Variants in DIP2A observed in about 807,000 individuals in gnomAD.
DIP2A encodes the protein disco-interacting protein 2 homolog A.
In DIP2A, 85 loss-of-function variants were observed where a neutral mutation model predicts 177.4. That is an observed-to-expected ratio of 0.48 (90% CI 0.40 to 0.57). The LOEUF (loss-of-function observed/expected upper bound fraction) is 0.57. DIP2A is among the 20% of genes least tolerant of loss of function. The probability of loss-of-function intolerance (pLI) is 0.00; values close to 1 mark genes in which losing one functional copy is unlikely to be tolerated. For synonymous variants in DIP2A, 886 were observed against 881.8 expected (o/e 1.00, Z -0.08); for missense variants, 1,791 against 2,100.2 (o/e 0.85, Z 2.88).
In DIP2A at chr21:46,496,983, T is replaced by C; in HGVS notation, c.284-5T>C. ...AGTATTTTTACTGCTGTCCTTCCTG[T>C]GTAGATGTCCACACTGAAGCCGTGC... On this transcript the variant is annotated splice_region_variant and splice_polypyrimidine_tract_variant and intron_variant, in intron 3 of 37. Transcript: ENST00000417564. The C allele has an allele frequency of 6.2e-7, 1 of 1,611,862 alleles. No individual in the cohort carries two copies. The highest frequency in any genetic ancestry group is 8.5e-7 in the Non-Finnish European group (1 of 1,179,334).
Position 46,563,001 on chromosome 21 carries a change from C to T in DIP2A, c.4090-857C>T, listed in dbSNP as rs973098060. Reference sequence around the variant, plus strand: ...CCGCACTGTAATTGTTTAGCTCACCCCCTTTTATTGGACGTTCTTTCCTAT... The same window carrying T: ...CCGCACTGTAATTGTTTAGCTCACCTCCTTTTATTGGACGTTCTTTCCTAT... On this transcript the variant is annotated intron_variant, in intron 34 of 37. Coordinates refer to ENST00000417564, the MANE Select transcript of DIP2A (RefSeq NM_015151.4). The surrounding 1 kb of genome is among the most constrained non-coding windows in gnomAD (Gnocchi z 4.3). Among the ~76,000 whole-genome samples the T allele has an allele frequency of 1.7e-4, 26 of 152,224 alleles. No individual in the cohort carries two copies. Among genetic ancestry groups the T allele is most frequent in the African/African-American group, 5.5e-4 (23 of 41,456 alleles).
chr21:46,483,050 G>A (rs2056454180), intron 1 of DIP2A, among the ~76,000 whole-genome samples: 1 of 152,174 alleles, frequency 6.6e-6, no homozygotes, highest in Non-Finnish European at 1.5e-5. Context: ...GGAGTGTGCA[G>A]TGATGGAGTG....
At chr21:46,524,872 C>CTTTTTTTTTTTTTTTTTTT (rs3061062) in intron 8 of DIP2A, among the ~76,000 whole-genome samples, 1 of 63,402 alleles carries the variant, frequency 1.6e-5, no homozygotes, top group Non-Finnish European at 2.8e-5. Flanking sequence ...TTGCTTTTTG[C>CTTTTTTTTTTTTTTTTTTT]TTTTTTTTTT....
intron 1 of DIP2A, chr21:46,462,960 T>C (rs944832746): frequency 2.0e-5 from 3 of 152,196 alleles, no homozygotes; most frequent in Non-Finnish European, 4.4e-5. Flanking sequence ...TTTATTTCCA[T>C]AGGGCAAGTT....
intron 8 of DIP2A, among the ~76,000 whole-genome samples, chr21:46,527,987 C>G (rs1471166351): frequency 6.6e-6 from 1 of 152,114 alleles, no homozygotes; most frequent in Non-Finnish European, 1.5e-5. Context: ...AAGCTCTCCC[C>G]TATTGAGTGC....
At position 46,463,678 on chromosome 21, in the gene DIP2A, A is replaced by T. The variant is rs908919272; in HGVS notation, c.91+4456A>T. On this transcript the variant is annotated intron_variant, in intron 1 of 37. Coordinates refer to ENST00000417564, the MANE Select transcript of DIP2A (RefSeq NM_015151.4). ...CTTTAATTTCTAAAATCTGGGATATATTTGTGTGTGTGTGTGTGTGTGTGT... is the reference window on the plus strand; with the variant it reads ...CTTTAATTTCTAAAATCTGGGATATTTTTGTGTGTGTGTGTGTGTGTGTGT... Among the ~76,000 whole-genome samples, 3 of 98,750 alleles carry T rather than the reference A, an allele frequency of 3.0e-5. No individual in the cohort carries two copies. The East Asian group carries it at 1.2e-3, about 41-fold the overall frequency. The allele number at this position is 98,750 out of a possible 152,430, so 64.8% of individuals were successfully genotyped here. A position where few individuals can be genotyped will look rare whatever the true frequency, so the allele number is the denominator to read the frequency against.
chr21:46,534,220 T>G, intron 12 of DIP2A, 107 bp downstream of exon 12: 1 of 890,620 alleles, frequency 1.1e-6, no homozygotes, highest in Non-Finnish European at 1.7e-6. Flanking sequence ...AGTTTCGGCC[T>G]AAGAGTTCTT....
At chr21:46,503,885 C>G (rs933579298) in intron 5 of DIP2A, among the ~76,000 whole-genome samples, 2 of 152,246 alleles carry the variant, frequency 1.3e-5, no homozygotes, top group African/African-American at 4.8e-5. Context: ...GCCACGACGC[C>G]CGGCTGATTT....
At chr21:46,528,527 C>CTTTTTTTT (rs1162872343) in intron 8 of DIP2A, among the ~76,000 whole-genome samples, 3 of 29,396 alleles carry the variant, frequency 1.0e-4, no homozygotes, top group African/African-American at 3.1e-4. Context: ...TTTCTGCTTG[C>CTTTTTTTT]TTTTTTTTTT....
In DIP2A at chr21:46,477,929, C is replaced by T. The variant is rs79387106; in HGVS notation, c.92-6828C>T. Among the ~76,000 whole-genome samples the T allele has an allele frequency of 7.4e-3, 1,125 of 152,064 alleles. 13 individuals are homozygous for T. The highest frequency in any genetic ancestry group is 0.026 in the African/African-American group (1,064 of 41,498). On this transcript the variant is annotated intron_variant, in intron 1 of 37. Transcript: ENST00000417564. ...AATTCACCTGGAATTTAATTTCATG[C>T]GTGGTGTGAGGGAAGAGTGATTTCA...
chr21:46,572,411 A>T (rs1211831529), downstream of DIP2A, among the ~76,000 whole-genome samples: 2 of 152,172 alleles, frequency 1.3e-5, no homozygotes, highest in African/African-American at 4.8e-5. Flanking sequence ...AATAACTTTG[A>T]GTTCTACCAG....
Position 46,537,604 on chromosome 21 carries a change from G to A in DIP2A, c.1801+65G>A, listed in dbSNP as rs1276704997. On this transcript the variant is annotated intron_variant, in intron 15 of 37. Coordinates refer to ENST00000417564, the MANE Select transcript of DIP2A (RefSeq NM_015151.4). The surrounding 1 kb of genome is among the most constrained non-coding windows in gnomAD (Gnocchi z 4.1). ...GGAAATCTCTTTGAACTGACCTTTG[G>A]TGCTTAAGAAAAAATAAAGCTGACA... 6.0e-6 allele frequency: 9 copies of A among 1,491,074 alleles called. No individual in the cohort carries two copies. Among genetic ancestry groups the A allele is most frequent in the Non-Finnish European group, 7.4e-6 (8 of 1,080,962 alleles). 92.4% of individuals were successfully genotyped at this position (1,491,074 alleles called of 1,614,324 possible). A position where few individuals can be genotyped will look rare whatever the true frequency, so the allele number is the denominator to read the frequency against.
At chr21:46,504,689 A>T (rs892659276) in intron 6 of DIP2A, among the ~76,000 whole-genome samples, 200 bp downstream of exon 6, 2 of 152,212 alleles carry the variant, frequency 1.3e-5, no homozygotes, top group Non-Finnish European at 2.9e-5. Flanking sequence ...ATATCAATGG[A>T]ATTGGTCAGA....
At position 46,534,133 on chromosome 21, in the gene DIP2A, T is replaced by A. The variant is rs771832629; in HGVS notation, c.1539+20T>A. 1.3e-6 allele frequency: 2 copies of A among 1,574,734 alleles called. No individual in the cohort carries two copies. The highest frequency in any genetic ancestry group is 3.4e-5 in the Admixed American group (2 of 59,272). Reference sequence around the variant, plus strand: ...ATTGAGGTAATGACTGTTCCTAACTTAGAGAATGTAAAAACATGTCCCACA... The same window carrying A: ...ATTGAGGTAATGACTGTTCCTAACTAAGAGAATGTAAAAACATGTCCCACA... On this transcript the variant is annotated intron_variant, in intron 12 of 37. Transcript: ENST00000417564.
At position 46,549,683 on chromosome 21, in the gene DIP2A, G is replaced by C. The variant is rs915640848; in HGVS notation, c.2523-88G>C. On this transcript the variant is annotated intron_variant, in intron 21 of 37. Coordinates refer to ENST00000417564, the MANE Select transcript of DIP2A (RefSeq NM_015151.4). ...AGACTGCATTTTAAATACTAGGACA[G>C]TCTGCCTCTTCCATCGTGAGGGTGA... 2.2e-5 allele frequency: 35 copies of C among 1,569,174 alleles called. No individual in the cohort carries two copies. In the African/African-American group the frequency reaches 4.3e-4, roughly 19 times the overall value.
intron 1 of DIP2A, among the ~76,000 whole-genome samples, chr21:46,483,725 TAAA>T (rs1156428607): frequency 1.3e-5 from 2 of 152,250 alleles, no homozygotes; most frequent in Non-Finnish European, 2.9e-5. Context: ...ATGTACTCAA[TAAA>T]TGACATCAGC....
intron 18 of DIP2A, among the ~76,000 whole-genome samples, chr21:46,544,456 C>G (rs1413281249): frequency 6.6e-6 from 1 of 152,178 alleles, no homozygotes; most frequent in Non-Finnish European, 1.5e-5. Context: ...CCGCAACCCT[C>G]CAGACCCAGG....
rs1426309985 is a variant in DIP2A, at chr21:46,525,905, T to C, written c.1103-3187T>C. Among the ~76,000 whole-genome samples the C allele has an allele frequency of 1.1e-4, 15 of 139,350 alleles. 1 individual carries two copies. The East Asian group carries it at 3.1e-3, about 28-fold the overall frequency. 91.4% of individuals were successfully genotyped at this position (139,350 alleles called of 152,430 possible). A position where few individuals can be genotyped will look rare whatever the true frequency, so the allele number is the denominator to read the frequency against. On this transcript the variant is annotated intron_variant, in intron 8 of 37. Transcript: ENST00000417564. ...TTATTATTATTATTATTATTATTAT[T>C]ATTATTATTATTATTATTTTGAGAT...
At chr21:46,517,423 G>A (rs77585651) in intron 8 of DIP2A, among the ~76,000 whole-genome samples, 2,094 of 152,050 alleles carry the variant, frequency 0.014, 23 homozygotes, top group Non-Finnish European at 0.021. Context: ...ATTATGGCAG[G>A]TCCAGACAAT....
Sources: allele counts gnomAD v4.1 joint callset (sites outside exome capture counted in the v4.1 genomes callset), GRCh38; gene constraint gnomAD v4.1.1; non-coding constraint Gnocchi (gnomAD v3.1); transcripts MANE v1.5; gene names NCBI Gene and HGNC (gene_info 2026-07-23, HGNC 2026-07-21).